Variants in DNMT3B observed in about 807,000 individuals in gnomAD.
The protein encoded by DNMT3B is DNA (cytosine-5)-methyltransferase 3B.
Under a neutral mutation model 120.2 loss-of-function variants are expected in DNMT3B, and 37 were observed. The observed-to-expected ratio is 0.31, with a 90% CI of 0.24 to 0.40. The LOEUF (loss-of-function observed/expected upper bound fraction) is 0.40. Among genes scored for constraint, DNMT3B ranks in the 10% least tolerant of loss-of-function variants. The probability of loss-of-function intolerance (pLI) is 1.00; values close to 1 mark genes in which losing one functional copy is unlikely to be tolerated. For missense variants in DNMT3B, 878 were observed against 1,137.3 expected (o/e 0.77, Z 3.28); for synonymous variants, 412 against 442.8 (o/e 0.93, Z 0.87).
intron 18 of DNMT3B, 94 bp downstream of exon 18, chr20:32,801,019 G>T (rs1981271562): frequency 3.4e-6 from 5 of 1,479,180 alleles, no homozygotes; most frequent in Non-Finnish European, 4.7e-6. Context: ...ACTTGCTTCT[G>T]GCCAAGTTAC....
At chr20:32,780,000 C>A in intron 1 of DNMT3B, 2 of 1,378,736 alleles carry the variant, frequency 1.5e-6, no homozygotes, top group Non-Finnish European at 2.0e-6. Context: ...TCCTAAATGG[C>A]ATTGTTTGAA....
intron 22 of DNMT3B, among the ~76,000 whole-genome samples, 191 bp from the exon 23 acceptor site, chr20:32,807,571 G>A (rs1277485230): frequency 2.0e-5 from 3 of 152,146 alleles, no homozygotes; most frequent in African/African-American, 4.8e-5. Flanking sequence ...TGCACAAAAC[G>A]GGGGACTTTC....
At chr20:32,774,693 A>ATGTCT (rs546759464) in intron 1 of DNMT3B, among the ~76,000 whole-genome samples, 109 of 151,140 alleles carry the variant, frequency 7.2e-4, no homozygotes, top group Non-Finnish European at 9.9e-4. Context: ...GGGGTCTCCC[A>ATGTCT]TGTCTTGTCT....
chr20:32,764,881 G>T (rs1209433514), intron 1 of DNMT3B, among the ~76,000 whole-genome samples: 1 of 152,164 alleles, frequency 6.6e-6, no homozygotes, highest in Non-Finnish European at 1.5e-5. Context: ...GGGTTGAGAG[G>T]CTGCTTCCTT....
chr20:32,780,167 G>T (rs779107629), intron 1 of DNMT3B, 151 bp from the exon 2 acceptor site: 1 of 1,613,344 alleles, frequency 6.2e-7, no homozygotes, highest in Admixed American at 1.7e-5. Context: ...GCTATGGGGG[G>T]CAGCCTGGGT....
At chr20:32,800,022 G>C in intron 16 of DNMT3B, 131 bp from the exon 17 acceptor site, 1 of 1,363,664 alleles carries the variant, frequency 7.3e-7, no homozygotes. Flanking sequence ...TGCGTGTACA[G>C]CCTTTGCTGG....
In DNMT3B at chr20:32,801,429, G is replaced by A; in HGVS notation, c.2145+3G>A. ...GGGACATCTCACGGTTCCTGGAGGT[G>A]AGGGAATCTGGGGACCTGATTGTCA... On this transcript the variant is annotated splice_donor_region_variant and intron_variant, in intron 19 of 22. Transcript: ENST00000328111. 2 of 1,613,944 alleles carry A rather than the reference G, an allele frequency of 1.2e-6. No homozygotes were observed. Among genetic ancestry groups the A allele is most frequent in the Non-Finnish European group, 1.7e-6 (2 of 1,180,030 alleles).
intron 1 of DNMT3B, among the ~76,000 whole-genome samples, chr20:32,767,407 C>T (rs1044491894): frequency 6.6e-6 from 1 of 150,970 alleles, no homozygotes; most frequent in Non-Finnish European, 1.5e-5. Context: ...TTGTCCCAGT[C>T]TGTAAGCTCT....
chr20:32,766,011 C>A (rs557288399), intron 1 of DNMT3B, among the ~76,000 whole-genome samples: 95 of 152,202 alleles, frequency 6.2e-4, no homozygotes, highest in Non-Finnish European at 7.5e-4. Flanking sequence ...CCCGCCTTGG[C>A]CTCCCAAAGT....
chr20:32,807,667 T>C (rs1412397298), intron 22 of DNMT3B, 95 bp from the exon 23 acceptor site: 1 of 1,577,988 alleles, frequency 6.3e-7, no homozygotes, highest in Admixed American at 1.7e-5. Context: ...GACTGAGGGA[T>C]GGCGAGGGCA....
chr20:32,783,172 C>G (rs1330614210), intron 3 of DNMT3B, among the ~76,000 whole-genome samples: 1 of 152,164 alleles, frequency 6.6e-6, no homozygotes, highest in Admixed American at 6.5e-5. Flanking sequence ...AGTGAGCCAC[C>G]TGTCCCGGCC....
At chr20:32,795,764 C>A in intron 12 of DNMT3B, 70 bp downstream of exon 12, 2 of 1,588,262 alleles carry the variant, frequency 1.3e-6, no homozygotes, top group Non-Finnish European at 1.7e-6. Context: ...CTTGTCCTGG[C>A]TCATCCACCC....
chr20:32,807,781 C>A lies in DNMT3B; in HGVS notation c.2440C>A (p.His814Asn), dbSNP rs1460397140. ...CCCCAGGATCTTTGGCTTTCCTGTG[C>A]ACTACACAGACGTGTCCAACATGGG... ...ELERIFGFPV[H>N]YTDVSNMGRG... is the part of the protein sequence containing the mutation. The change falls in exon 23 of 23, where the codon CAC becomes AAC. Residue 814 changes from histidine to asparagine, a missense_variant. Transcript: ENST00000328111. 2 of 1,614,194 alleles carry A rather than the reference C, an allele frequency of 1.2e-6. No homozygotes were observed. The highest frequency in any genetic ancestry group is 2.2e-5 in the South Asian group (2 of 91,086).
chr20:32,774,511 T>G (rs985375622), intron 1 of DNMT3B, among the ~76,000 whole-genome samples: 3 of 142,026 alleles, frequency 2.1e-5, no homozygotes, highest in African/African-American at 8.3e-5. Flanking sequence ...GCCTGGCCTT[T>G]TTTTTTTTTT....
chr20:32,791,483 G>A, intron 7 of DNMT3B, 118 bp from the exon 8 acceptor site: 1 of 970,330 alleles, frequency 1.0e-6, no homozygotes, highest in Admixed American at 2.0e-5. Context: ...TTATCCCCAG[G>A]AATGGTCTCT....
In DNMT3B at chr20:32,808,868, C is replaced by T. The variant is rs561047184; in HGVS notation, c.*965C>T. ...TGAGAAGTCTGCTACCCTCATTTCTCATCTTTTTACTAAACTCAGAGGCAG... is the reference window on the plus strand; with the variant it reads ...TGAGAAGTCTGCTACCCTCATTTCTTATCTTTTTACTAAACTCAGAGGCAG... On this transcript the variant is annotated 3_prime_UTR_variant, in exon 23 of 23. Coordinates refer to ENST00000328111, the MANE Select transcript of DNMT3B (RefSeq NM_006892.4). 65 of 225,204 alleles carry T rather than the reference C, an allele frequency of 2.9e-4. No individual in the cohort carries two copies. In the Admixed American group the frequency reaches 3.1e-3, roughly 11 times the overall value. 14.0% of individuals were successfully genotyped at this position (225,204 alleles called of 1,614,324 possible).
chr20:32,768,073 A>G (rs986153778), intron 1 of DNMT3B, among the ~76,000 whole-genome samples: 1 of 152,186 alleles, frequency 6.6e-6, no homozygotes, highest in Non-Finnish European at 1.5e-5. Context: ...GCTGGAGTGC[A>G]GTGGTGCGAT....
intron 7 of DNMT3B, among the ~76,000 whole-genome samples, chr20:32,790,358 A>G (rs535172758): frequency 6.6e-6 from 1 of 152,190 alleles, no homozygotes; most frequent in African/African-American, 2.4e-5. Flanking sequence ...TGCACTTTGC[A>G]AGATAGAGTC....
intron 1 of DNMT3B, among the ~76,000 whole-genome samples, chr20:32,776,654 C>T (rs560791094): frequency 2.6e-5 from 4 of 152,264 alleles, no homozygotes; most frequent in African/African-American, 9.6e-5. Context: ...GTACTTACCA[C>T]ATTTAAAGGT....
Sources: allele counts gnomAD v4.1 joint callset (sites outside exome capture counted in the v4.1 genomes callset), GRCh38; gene constraint gnomAD v4.1.1; transcripts MANE v1.5; gene names NCBI Gene and HGNC (gene_info 2026-07-23, HGNC 2026-07-21).